FER: variants seen among roughly 807,000 people sequenced by gnomAD.
FER encodes the protein FER tyrosine kinase.
In FER, 63 loss-of-function variants were observed where a neutral mutation model predicts 111.0. The ratio of observed to expected loss-of-function variants is 0.57; its 90% CI spans 0.46 to 0.70. FER has a LOEUF of 0.70. Among genes scored for constraint, FER ranks in the 30% least tolerant of loss-of-function variants. FER has a pLI of 0.00. For synonymous variants in FER, 327 were observed against 313.9 expected (o/e 1.04, Z -0.44); for missense variants, 914 against 954.0 (o/e 0.96, Z 0.55).
intron 10 of FER, among the ~76,000 whole-genome samples, chr5:108,943,223 A>G (rs927495891): frequency 1.3e-5 from 2 of 152,150 alleles, no homozygotes; most frequent in Non-Finnish European, 2.9e-5. Flanking sequence ...TGGGGTTTTC[A>G]TTAATGATCA....
chr5:109,114,990 A>C (rs1750057375), intron 17 of FER, among the ~76,000 whole-genome samples: 3 of 152,004 alleles, frequency 2.0e-5, no homozygotes, highest in African/African-American at 7.2e-5. Flanking sequence ...TCTTCCCTCC[A>C]TTCTACCATC....
Position 109,044,795 on chromosome 5 carries a change from A to G in FER, c.1829A>G (p.Lys610Arg). Residue 610 changes from lysine (K) to arginine (R), a missense_variant and splice_region_variant, in exon 15 of 20, where the codon AAA (lysine) becomes AGA (arginine). By Grantham distance (26) the Lys-to-Arg change is conservative. Coordinates refer to ENST00000281092, the MANE Select transcript of FER (RefSeq NM_005246.4). ...ELKIKFLQEAKILKQYDHPNI... is the reference protein window; with the variant it reads ...ELKIKFLQEARILKQYDHPNI... ...AAAATAAAATTTTTACAAGAAGCCA[A>G]GTGAGTTATTTAAAGTAATCAAAAT... 7.0e-7 allele frequency: 1 copy of G among 1,434,292 alleles called. No homozygotes were observed. Among genetic ancestry groups the G allele is most frequent in the Non-Finnish European group, 9.6e-7 (1 of 1,041,934 alleles). The allele number at this position is 1,434,292 out of a possible 1,614,324, so 88.8% of individuals were successfully genotyped here.
At chr5:109,005,726 A>T (rs1048115843) in intron 13 of FER, among the ~76,000 whole-genome samples, 5 of 152,224 alleles carry the variant, frequency 3.3e-5, no homozygotes, top group Non-Finnish European at 5.9e-5. Context: ...TACTGAACAC[A>T]CAAGAGTTTA....
chr5:108,792,779 G>A (rs920079602), intron 2 of FER, among the ~76,000 whole-genome samples: 1 of 151,350 alleles, frequency 6.6e-6, no homozygotes, highest in Non-Finnish European at 1.5e-5. Flanking sequence ...TTCAATGATG[G>A]TATCTAGAAA....
intron 1 of FER, among the ~76,000 whole-genome samples, chr5:108,764,040 T>C (rs1463010277): frequency 2.0e-5 from 3 of 152,212 alleles, no homozygotes; most frequent in South Asian, 2.1e-4. Flanking sequence ...CCTAAACTAC[T>C]GCTTGCGAGA....
intron 5 of FER, among the ~76,000 whole-genome samples, chr5:108,843,500 A>G (rs2150159823): frequency 6.6e-6 from 1 of 150,976 alleles, no homozygotes; most frequent in East Asian, 1.9e-4. Flanking sequence ...AAAGATGTGG[A>G]CCCTACCTTC....
At chr5:108,834,070 T>C (rs1760345679) in intron 4 of FER, among the ~76,000 whole-genome samples, 1 of 152,198 alleles carries the variant, frequency 6.6e-6, no homozygotes, top group Non-Finnish European at 1.5e-5. Flanking sequence ...AGGTTCTCTT[T>C]CCTGCACAGT....
At chr5:108,854,812 C>A (rs1762840424) in intron 5 of FER, among the ~76,000 whole-genome samples, 1 of 151,916 alleles carries the variant, frequency 6.6e-6, no homozygotes, top group Non-Finnish European at 1.5e-5. Context: ...GGCCTGGTGG[C>A]ACACGCCTAT....
At chr5:109,000,830 C>G (rs1227806185) in intron 13 of FER, among the ~76,000 whole-genome samples, 3 of 152,034 alleles carry the variant, frequency 2.0e-5, no homozygotes, top group African/African-American at 7.2e-5. Context: ...ATATCACCAC[C>G]TGTCCCACAG....
intron 5 of FER, among the ~76,000 whole-genome samples, chr5:108,847,361 G>A (rs1762128791): frequency 6.6e-6 from 1 of 151,672 alleles, no homozygotes; most frequent in South Asian, 2.1e-4. Context: ...TAATTTCGTT[G>A]TGGTCTGAGA....
At chr5:109,005,502 C>G (rs1254846073) in intron 13 of FER, among the ~76,000 whole-genome samples, 2 of 152,106 alleles carry the variant, frequency 1.3e-5, no homozygotes, top group Admixed American at 6.5e-5. Context: ...CATGTGTCAT[C>G]TATTTGTGGA....
At chr5:108,969,874 A>T (rs1341176938) in intron 13 of FER, among the ~76,000 whole-genome samples, 1 of 148,234 alleles carries the variant, frequency 6.7e-6, no homozygotes, top group East Asian at 1.9e-4. Context: ...GCTATATTCC[A>T]GGATATTAAT....
At chr5:109,048,886 A>C (rs1028014258) in intron 16 of FER, among the ~76,000 whole-genome samples, 1 of 151,416 alleles carries the variant, frequency 6.6e-6, no homozygotes, top group Admixed American at 6.6e-5. Context: ...ACTGTTTTGC[A>C]GTTATCTATA....
At chr5:108,801,213 G>A (rs149424366) in intron 3 of FER, among the ~76,000 whole-genome samples, 11 of 151,954 alleles carry the variant, frequency 7.2e-5, no homozygotes, top group Admixed American at 5.9e-4. Context: ...ATCTTTTTTT[G>A]CTTCTGGATA....
Position 109,130,633 on chromosome 5 carries a change from G to GT in FER, c.2048+30123dup, listed in dbSNP as rs560162637. ...GAAATTTGTTAATGAGGTATTTTAC[G>GT]TTTTTTTTTCTGACCACCTGCTGCC... On this transcript the variant is annotated intron_variant, in intron 17 of 19. Coordinates refer to ENST00000281092, the MANE Select transcript of FER (RefSeq NM_005246.4). Among the ~76,000 whole-genome samples the GT allele has an allele frequency of 2.6e-3, 385 of 150,548 alleles. 2 individuals carry two copies. The highest frequency in any genetic ancestry group is 7.2e-3 in the African/African-American group (296 of 41,008).
chr5:108,923,646 A>G (rs1181822579), intron 10 of FER, among the ~76,000 whole-genome samples: 1 of 152,202 alleles, frequency 6.6e-6, no homozygotes, highest in Non-Finnish European at 1.5e-5. Flanking sequence ...AGAATAGGTT[A>G]TCAAAAGTGG....
rs1759152484 is a variant in FER, at chr5:109,188,787, A to ACTT, written c.*1213_*1215dup. ...CACAAATCCACAGAAATAACAGCAT[A>ACTT]CTTTCAGTTAAGCATTTTCACCTTA... On this transcript the variant is annotated 3_prime_UTR_variant, in exon 20 of 20. Transcript: ENST00000281092. 6.6e-6 allele frequency: 1 copy of ACTT among 152,200 alleles called. No individual in the cohort carries two copies. Among genetic ancestry groups the ACTT allele is most frequent in the South Asian group, 2.1e-4 (1 of 4,836 alleles). The allele number at this position is 152,200 out of a possible 1,614,324, so 9.4% of individuals were successfully genotyped here. A position where few individuals can be genotyped will look rare whatever the true frequency, so the allele number is the denominator to read the frequency against.
chr5:108,865,267 G>A (rs1232878417), intron 5 of FER, among the ~76,000 whole-genome samples: 1 of 151,940 alleles, frequency 6.6e-6, no homozygotes, highest in South Asian at 2.1e-4. Context: ...GAGATGATGG[G>A]GTTTTCTAAA....
chr5:109,076,744 G>C (rs985252076), intron 16 of FER, among the ~76,000 whole-genome samples: 1 of 152,132 alleles, frequency 6.6e-6, no homozygotes, highest in African/African-American at 2.4e-5. Context: ...GGCCTGTAAG[G>C]TTGTTTCAAA....
Sources: gnomAD v4.1 joint callset for allele counts (sites outside exome capture counted in the v4.1 genomes callset) on GRCh38, gnomAD v4.1.1 for gene constraint, MANE v1.5 for transcripts, NCBI Gene and HGNC (gene_info 2026-07-23, HGNC 2026-07-21) for gene names.